Variants in RELN observed in about 807,000 individuals in gnomAD.
The protein encoded by RELN is reelin.
RELN carries 108 observed loss-of-function variants against 427.6 expected under a neutral mutation model. The observed-to-expected ratio is 0.25, with a 90% CI of 0.22 to 0.30. The LOEUF (loss-of-function observed/expected upper bound fraction) is 0.30. Among genes scored for constraint, RELN ranks in the 10% least tolerant of loss-of-function variants. The pLI is 1.00. For missense variants in RELN, 3,715 were observed against 4,302.8 expected (o/e 0.86, Z 3.82); for synonymous variants, 1,524 against 1,513.4 (o/e 1.01, Z -0.16).
chr7:103,540,429 C>T lies in RELN; in HGVS notation c.6698G>A (p.Gly2233Glu), dbSNP rs139819388. ...GGGGTCAGGAACGCCTTTACCACAT[C>T]CCAGTCTCATGAAGAACTGCACAAA... ...ARFVQFFMRL[G>E]CGKGVPDPRS... Residue 2233 changes from glycine to glutamate, a missense_variant, in exon 44 of 65, where the codon GGA becomes GAA. Physicochemically the swap from Gly to Glu is moderately conservative, Grantham distance 98. Around this residue, in one of 4 missense-constraint regions of RELN, gnomAD observed 1,310 missense variants for 1,643.0 expected, o/e 0.80. Coordinates refer to ENST00000428762, the MANE Select transcript of RELN (RefSeq NM_005045.4). The T allele has an allele frequency of 5.6e-6, 9 of 1,613,890 alleles. No homozygotes were observed. Among genetic ancestry groups the T allele is most frequent in the African/African-American group, 2.7e-5 (2 of 74,926 alleles).
chr7:103,958,541 GT>G (rs1276870809), intron 1 of RELN, among the ~76,000 whole-genome samples: 3 of 152,132 alleles, frequency 2.0e-5, no homozygotes, highest in South Asian at 4.1e-4. Context: ...GAAAATCTCT[GT>G]CATGAGGCTC....
At chr7:103,611,540 T>TG in intron 21 of RELN, 71 bp downstream of exon 21, 1 of 1,215,302 alleles carries the variant, frequency 8.2e-7, no homozygotes, top group East Asian at 2.5e-5. Flanking sequence ...ACTGTAATTT[T>TG]TTTTTTTTTT....
At chr7:103,618,887 CA>C (rs1250634490) in intron 20 of RELN, among the ~76,000 whole-genome samples, 1 of 152,024 alleles carries the variant, frequency 6.6e-6, no homozygotes, top group Non-Finnish European at 1.5e-5. Context: ...CCGAGGTGGG[CA>C]GATCACGAGG....
Position 103,988,915 on chromosome 7 carries a change from G to C in RELN, c.226+216C>G, listed in dbSNP as rs1467912612. On this transcript the variant is annotated intron_variant, in intron 1 of 64. Coordinates refer to ENST00000428762, the MANE Select transcript of RELN (RefSeq NM_005045.4). The surrounding 1 kb of genome is among the most constrained non-coding windows in gnomAD (Gnocchi z 4.9). ...CACAAGCACCAGCTCATTACCAGGA[G>C]ATGCGTTCGGGGAGTGGGGACATGG... is the stretch of plus-strand genomic sequence containing the variant. Among the ~76,000 whole-genome samples the C allele has an allele frequency of 1.3e-5, 2 of 152,208 alleles. No homozygotes were observed. The highest frequency in any genetic ancestry group is 6.5e-5 in the Admixed American group (1 of 15,288).
At chr7:103,872,956 GAT>G (rs1194308547) in intron 2 of RELN, among the ~76,000 whole-genome samples, 1 of 151,716 alleles carries the variant, frequency 6.6e-6, no homozygotes, top group Non-Finnish European at 1.5e-5. Flanking sequence ...GTAGATTCTG[GAT>G]ATTAGCCCTT....
intron 56 of RELN, among the ~76,000 whole-genome samples, chr7:103,496,149 T>C (rs756696741): frequency 6.6e-6 from 1 of 152,208 alleles, no homozygotes; most frequent in African/African-American, 2.4e-5. Context: ...ACCGTACTTT[T>C]AAAATGTAAT....
intron 11 of RELN, 36 bp from the exon 12 acceptor site, chr7:103,661,563 A>C (rs770774938): frequency 6.3e-7 from 1 of 1,586,514 alleles, no homozygotes; most frequent in African/African-American, 1.3e-5. Flanking sequence ...TAGAGTTAGA[A>C]TATTAAGCCA....
Position 103,596,467 on chromosome 7 carries a change from G to A in RELN, c.3528C>T (p.Phe1176=). The A allele has an allele frequency of 1.2e-6, 2 of 1,613,710 alleles. No homozygotes were observed. The highest frequency in any genetic ancestry group is 1.7e-6 in the Non-Finnish European group (2 of 1,179,810). ...AGGTGGGTAGTTACCTGGGTTTGCTGAAGTCTGAAAAGTACATCTCTGCTA... is the reference window on the plus strand; with the variant it reads ...AGGTGGGTAGTTACCTGGGTTTGCTAAAGTCTGAAAAGTACATCTCTGCTA... The part of the protein sequence containing the change: ...HLLAEMYFSD[F]SKPRFVYLEL... The change falls in exon 25 of 65, where the codon TTC becomes TTT. Residue 1176 remains phenylalanine (F), a synonymous_variant. Transcript: ENST00000428762.
intron 41 of RELN, among the ~76,000 whole-genome samples, chr7:103,550,435 CCTCT>C (rs1181573381): frequency 6.6e-6 from 1 of 152,094 alleles, no homozygotes; most frequent in African/African-American, 2.4e-5. Flanking sequence ...CTGTTGACTT[CCTCT>C]CTTTGTTCAC....
intron 4 of RELN, among the ~76,000 whole-genome samples, chr7:103,757,161 G>A (rs903017187): frequency 2.6e-5 from 4 of 152,138 alleles, no homozygotes; most frequent in African/African-American, 9.7e-5. Context: ...GTGACTATGA[G>A]TGAATTATTA....
chr7:103,618,496 G>T (rs1201338119), intron 20 of RELN, among the ~76,000 whole-genome samples: 1 of 152,196 alleles, frequency 6.6e-6, no homozygotes, highest in Non-Finnish European at 1.5e-5. Context: ...TTTCTAAGTG[G>T]ATAGACAACT....
rs117566198 is a variant in RELN at position 103,824,536 on chromosome 7, G to A, written c.473+9001C>T. ...TAAATCAGGTTTAAGAGACCTGCAG[G>A]CCACCACAATGTCAGTTCCTATTTC... On this transcript the variant is annotated intron_variant, in intron 3 of 64. Coordinates refer to ENST00000428762, the MANE Select transcript of RELN (RefSeq NM_005045.4). This position sits in a 1 kb window ranked among gnomAD's most constrained non-coding sequence, Gnocchi z 4.4. Among the ~76,000 whole-genome samples, 14 of 151,822 alleles carry A rather than the reference G, an allele frequency of 9.2e-5. No homozygotes were observed. Among genetic ancestry groups the A allele is most frequent in the Non-Finnish European group, 1.6e-4 (11 of 67,938 alleles).
intron 46 of RELN, among the ~76,000 whole-genome samples, chr7:103,523,865 CAG>C (rs1314856463): frequency 1.3e-5 from 2 of 151,932 alleles, no homozygotes; most frequent in Non-Finnish European, 2.9e-5. Context: ...TTAGGGGAGA[CAG>C]AGTTTCACCA....
Position 103,636,693 on chromosome 7 carries a change from C to T in RELN, c.2070-225G>A, listed in dbSNP as rs114632496. On this transcript the variant is annotated intron_variant, in intron 17 of 64. Coordinates refer to ENST00000428762, the MANE Select transcript of RELN (RefSeq NM_005045.4). ...GCACAGCCCTCCCATAAAAAGCCTA[C>T]GATTAAAACAGTAATTCAGCAATTT... Among the ~76,000 whole-genome samples the T allele has an allele frequency of 4.8e-3, 728 of 152,154 alleles. 9 individuals are homozygous for T. The highest frequency in any genetic ancestry group is 0.016 in the African/African-American group (661 of 41,504).
intron 45 of RELN, among the ~76,000 whole-genome samples, chr7:103,537,215 G>A (rs1416818539): frequency 6.6e-6 from 1 of 152,094 alleles, no homozygotes; most frequent in East Asian, 1.9e-4. Context: ...CCTGAGATCT[G>A]CTGATTTTTT....
intron 28 of RELN, among the ~76,000 whole-genome samples, chr7:103,583,777 T>C (rs1831208375): frequency 6.6e-6 from 1 of 152,124 alleles, no homozygotes; most frequent in African/African-American, 2.4e-5. Flanking sequence ...CTTGGAACTA[T>C]GGGGAAAGAG....
At chr7:103,872,194 C>A (rs1401641911) in intron 2 of RELN, among the ~76,000 whole-genome samples, 1 of 123,970 alleles carries the variant, frequency 8.1e-6, no homozygotes, top group African/African-American at 2.9e-5. Context: ...GGTATATCTC[C>A]CAATGCTATC....
chr7:103,711,051 AT>A, intron 8 of RELN, among the ~76,000 whole-genome samples: 1 of 152,172 alleles, frequency 6.6e-6, no homozygotes, highest in South Asian at 2.1e-4. Context: ...TCAAAAAAAA[AT>A]TTTTTTAAAT....
At chr7:103,653,561 A>G (rs1207395591) in intron 13 of RELN, among the ~76,000 whole-genome samples, 2 of 152,116 alleles carry the variant, frequency 1.3e-5, no homozygotes, top group Non-Finnish European at 2.9e-5. Context: ...AAATAATTTT[A>G]CACTTTATGA....
Sources: allele counts gnomAD v4.1 joint callset (sites outside exome capture counted in the v4.1 genomes callset), GRCh38; gene constraint gnomAD v4.1.1; regional missense constraint gnomAD v4.1.1; non-coding constraint Gnocchi (gnomAD v3.1); transcripts MANE v1.5; gene names NCBI Gene and HGNC (gene_info 2026-07-23, HGNC 2026-07-21).